The following TTC28 variants were observed in gnomAD, a reference collection of about 807,000 sequenced individuals.
TTC28 encodes the protein tetratricopeptide repeat protein 28.
TTC28 carries 61 observed loss-of-function variants against 198.0 expected under a neutral mutation model. That is an observed-to-expected ratio of 0.31 (90% confidence interval 0.25 to 0.38). The LOEUF is 0.38. TTC28 is among the 10% of genes least tolerant of loss of function. TTC28 has a pLI of 1.00. For missense variants in TTC28, 2,678 were observed against 3,164.0 expected, an observed-to-expected ratio of 0.85 and a Z score of 3.69; for synonymous variants, 1,171 against 1,297.8, an observed-to-expected ratio of 0.90 and a Z score of 2.10.
chr22:28,383,108 G>A (rs2046521607), intron 2 of TTC28, among the ~76,000 whole-genome samples: 1 of 152,054 alleles, frequency 6.6e-6, no homozygotes, highest in Admixed American at 6.5e-5. Context: ...AAGAAGTACT[G>A]TACACAAGAG....
At chr22:28,038,861 A>G (rs1377687184) in intron 12 of TTC28, among the ~76,000 whole-genome samples, 2 of 152,248 alleles carry the variant, frequency 1.3e-5, no homozygotes, top group Non-Finnish European at 2.9e-5. Context: ...TGGGCAAAGC[A>G]TATGAACAGA....
At chr22:28,621,476 A>G (rs1199156746) in intron 2 of TTC28, among the ~76,000 whole-genome samples, 1 of 152,028 alleles carries the variant, frequency 6.6e-6, no homozygotes, top group Admixed American at 6.6e-5. Flanking sequence ...GCACTTCAGG[A>G]GGCCAAGGCA....
chr22:28,105,699 G>A lies in TTC28; in HGVS notation c.2887C>T (p.Leu963=). The change falls in exon 8 of 23, where the codon CTG becomes TTG. Residue 963 remains leucine, a synonymous_variant. Coordinates refer to ENST00000397906, the MANE Select transcript of TTC28 (RefSeq NM_001145418.2). ...CCTAATTGGCTGTGCAGACTTCCCA[G>A]CTCTCCATAGGCCTGGGCTTTATTG... The part of the protein sequence containing the change: ...AFNKAQAYGE[L]GSLHSQLGNY... 1.3e-6 allele frequency: 2 copies of A among 1,551,818 alleles called. No homozygotes were observed. The highest frequency in any genetic ancestry group is 1.7e-6 in the Non-Finnish European group (2 of 1,147,028).
intron 2 of TTC28, among the ~76,000 whole-genome samples, chr22:28,466,609 T>G (rs1388261729): frequency 6.6e-6 from 1 of 152,122 alleles, no homozygotes. Context: ...CACATTTACA[T>G]CTCTAATTTG....
At chr22:28,178,330 A>C (rs1174062802) in intron 5 of TTC28, among the ~76,000 whole-genome samples, 1 of 150,366 alleles carries the variant, frequency 6.7e-6, no homozygotes. Context: ...AGCCAAGCCT[A>C]GTGGCACATG....
intron 5 of TTC28, among the ~76,000 whole-genome samples, chr22:28,173,786 T>G (rs1426301831): frequency 6.6e-6 from 1 of 152,202 alleles, no homozygotes; most frequent in African/African-American, 2.4e-5. Context: ...TCGATGACAC[T>G]ACCATTAAAT....
intron 2 of TTC28, among the ~76,000 whole-genome samples, chr22:28,358,240 C>T (rs2046107614): frequency 6.6e-6 from 1 of 152,196 alleles, no homozygotes; most frequent in African/African-American, 2.4e-5. Flanking sequence ...ACCCTTCACA[C>T]TGTCTGATCA....
At chr22:28,099,130 C>T (rs1433915398) in intron 9 of TTC28, 86 bp from the exon 10 acceptor site, 15 of 1,487,656 alleles carry the variant, frequency 1.0e-5, no homozygotes, top group South Asian at 1.3e-5. Context: ...TTGCTCATAT[C>T]TTTGTGCACA....
intron 2 of TTC28, among the ~76,000 whole-genome samples, chr22:28,395,447 C>T (rs180696854): frequency 1.6e-3 from 250 of 152,082 alleles, no homozygotes; most frequent in African/African-American, 5.5e-3. Context: ...TCCTGGCTAA[C>T]GCGGTAAAAC....
intron 2 of TTC28, among the ~76,000 whole-genome samples, chr22:28,333,862 T>G (rs1227815901): frequency 6.6e-6 from 1 of 152,082 alleles, no homozygotes; most frequent in Non-Finnish European, 1.5e-5. Flanking sequence ...TTTTTATTTT[T>G]TATTATACTT....
chr22:28,310,268 G>C (rs1332596341), intron 2 of TTC28, among the ~76,000 whole-genome samples: 1 of 151,990 alleles, frequency 6.6e-6, no homozygotes, highest in South Asian at 2.1e-4. Context: ...TGCAGTAAAT[G>C]ATAACTAAAA....
chr22:28,016,893 G>A (rs2146591266), intron 13 of TTC28, among the ~76,000 whole-genome samples: 1 of 152,322 alleles, frequency 6.6e-6, no homozygotes, highest in Non-Finnish European at 1.5e-5. Context: ...ATGTCAGGTT[G>A]GGCAGTCCCT....
chr22:28,041,724 T>C (rs1044985156), intron 12 of TTC28, among the ~76,000 whole-genome samples: 28 of 152,014 alleles, frequency 1.8e-4, no homozygotes, highest in African/African-American at 6.3e-4. Flanking sequence ...AAAGCCAAAA[T>C]TGACAAATGG....
intron 2 of TTC28, among the ~76,000 whole-genome samples, chr22:28,447,903 C>T (rs1383314968): frequency 2.0e-5 from 3 of 152,086 alleles, no homozygotes; most frequent in African/African-American, 4.8e-5. Flanking sequence ...AGGTACCACT[C>T]GACAGAGGAC....
At chr22:28,188,574 C>A (rs926442989) in intron 5 of TTC28, among the ~76,000 whole-genome samples, 2 of 152,130 alleles carry the variant, frequency 1.3e-5, no homozygotes, top group Non-Finnish European at 2.9e-5. Context: ...AAGATGGGGG[C>A]CTACTGTCTG....
At chr22:28,557,184 T>C (rs2049799634) in intron 2 of TTC28, among the ~76,000 whole-genome samples, 1 of 152,246 alleles carries the variant, frequency 6.6e-6, no homozygotes, top group Non-Finnish European at 1.5e-5. Context: ...GTTGAGCTTT[T>C]CTATATCTAT....
At chr22:28,476,492 T>C (rs1279437469) in intron 2 of TTC28, among the ~76,000 whole-genome samples, 2 of 152,198 alleles carry the variant, frequency 1.3e-5, no homozygotes, top group Non-Finnish European at 2.9e-5. Flanking sequence ...TGCTGGTTTA[T>C]AAAGTTAAAA....
intron 1 of TTC28, among the ~76,000 whole-genome samples, chr22:28,678,192 G>A (rs200656425): frequency 1.7e-3 from 236 of 141,462 alleles, no homozygotes; most frequent in South Asian, 3.4e-3. Flanking sequence ...TAACCTAGCT[G>A]GAGTATACAT....
At chr22:28,475,582 G>A (rs9613630) in intron 2 of TTC28, among the ~76,000 whole-genome samples, 39,955 of 152,088 alleles carry the variant, frequency 0.26, 6,575 homozygotes, top group South Asian at 0.39. Flanking sequence ...GTTGACTCTT[G>A]TGTATGTGAA....
Sources: allele counts gnomAD v4.1 joint callset (sites outside exome capture counted in the v4.1 genomes callset), GRCh38; gene constraint gnomAD v4.1.1; transcripts MANE v1.5; gene names NCBI Gene and HGNC (gene_info 2026-07-23, HGNC 2026-07-21).